Variants in NEDD9 observed in about 807,000 individuals in gnomAD.
NEDD9 encodes enhancer of filamentation 1.
A neutral mutation model predicts 76.6 loss-of-function variants in NEDD9; 26 were observed. That is an observed-to-expected ratio of 0.34 (90% CI 0.25 to 0.47). The LOEUF (loss-of-function observed/expected upper bound fraction) is 0.47. Ranked by LOEUF, NEDD9 falls within the 20% of genes least tolerant of loss-of-function variation. NEDD9 has a pLI of 1.00. For missense variants in NEDD9, 937 were observed against 1,058.5 expected (o/e 0.89, Z 1.59); for synonymous variants, 392 against 414.2 (o/e 0.95, Z 0.65).
Position 11,242,373 on chromosome 6 carries a change from T to C in NEDD9, c.13-28646A>G, listed in dbSNP as rs541476250. Among the ~76,000 whole-genome samples, 56 of 152,236 alleles carry C rather than the reference T, an allele frequency of 3.7e-4. 1 individual carries two copies. The highest frequency in any genetic ancestry group is 1.3e-3 in the African/African-American group (52 of 41,540). ...AGACAAGGGAGTGTTGCAAGGGTGT[T>C]CTTGAACCCAGGGCATGCAGTTCTC... On this transcript the variant is annotated intron_variant, in intron 3 of 3. Coordinates refer to the NEDD9 transcript ENST00000397378.
At chr6:11,232,688 A>G (rs1759520676), upstream of NEDD9, 1 of 1,465,170 alleles carries the variant, frequency 6.8e-7, no homozygotes. Context: ...GTTGTGACTG[A>G]GGCAGGCTGA....
intron 1 of NEDD9, among the ~76,000 whole-genome samples, chr6:11,364,104 C>T (rs921301281): frequency 1.1e-4 from 16 of 152,268 alleles, no homozygotes; most frequent in Middle Eastern, 3.4e-3. Flanking sequence ...ATGCTGAACA[C>T]CTGCTTTCCT....
At chr6:11,331,232 A>C (rs1013088464) in intron 2 of NEDD9, among the ~76,000 whole-genome samples, 5 of 152,188 alleles carry the variant, frequency 3.3e-5, no homozygotes, top group African/African-American at 1.2e-4. Flanking sequence ...GTGAAGGGGA[A>C]CTGCGGTATA....
chr6:11,304,697 A>G (rs1480656867), intron 3 of NEDD9, among the ~76,000 whole-genome samples: 2 of 152,234 alleles, frequency 1.3e-5, no homozygotes, highest in Admixed American at 6.5e-5. Flanking sequence ...TAAGCAAACT[A>G]TCACAAGGAC....
intron 2 of NEDD9, among the ~76,000 whole-genome samples, chr6:11,322,129 G>A (rs557148085): frequency 8.7e-4 from 132 of 152,208 alleles, no homozygotes; most frequent in African/African-American, 3.2e-3. Context: ...TGAACAATAA[G>A]AACACGTGAA....
chr6:11,234,078 C>T (rs1759551615), upstream of NEDD9, among the ~76,000 whole-genome samples: 1 of 152,176 alleles, frequency 6.6e-6, no homozygotes, highest in African/African-American at 2.4e-5. Flanking sequence ...ATTCCAGGGA[C>T]ATGACCCCCC....
chr6:11,266,008 G>C (rs1184508330), intron 3 of NEDD9, among the ~76,000 whole-genome samples: 1 of 142,474 alleles, frequency 7.0e-6, no homozygotes, highest in African/African-American at 2.5e-5. Flanking sequence ...ATAGAGAGTA[G>C]AATGATTGAC....
rs904811973 is a variant in NEDD9, at chr6:11,257,277, C to T, written c.13-43550G>A. On this transcript the variant is annotated intron_variant, in intron 3 of 3. Transcript: ENST00000397378. The stretch of plus-strand genomic sequence containing the variant: ...GCCTGCACACATTAGATGCCAGTAG[C>T]ACCCACCACCTTCAGTTTTGACAGC... 7.2e-5 allele frequency among the ~76,000 whole-genome samples: 11 copies of T among 152,336 alleles called. No homozygotes were observed. The South Asian group carries it at 2.3e-3, about 32-fold the overall frequency.
At chr6:11,340,881 T>G (rs1177706906) in intron 1 of NEDD9, among the ~76,000 whole-genome samples, 1 of 152,198 alleles carries the variant, frequency 6.6e-6, no homozygotes. Context: ...AGAGTGCAGA[T>G]AATGGCCTAT....
intron 1 of NEDD9, among the ~76,000 whole-genome samples, chr6:11,337,178 A>G (rs1762178839): frequency 6.6e-6 from 1 of 152,190 alleles, no homozygotes; most frequent in East Asian, 1.9e-4. Context: ...AGATCATGCC[A>G]CTGCACTCCA....
chr6:11,236,919 C>T (rs1319209312), upstream of NEDD9, among the ~76,000 whole-genome samples: 1 of 152,152 alleles, frequency 6.6e-6, no homozygotes, highest in African/African-American at 2.4e-5. This position sits in a 1 kb window ranked among gnomAD's most constrained non-coding sequence, Gnocchi z 5.5. Flanking sequence ...ACCGCCGACC[C>T]CCATCCCACC....
At position 11,190,259 on chromosome 6, in the gene NEDD9, G is replaced by A. The variant is rs758477283; in HGVS notation, c.1610C>T (p.Thr537Met). The change falls in exon 5 of 7, where the codon ACG becomes ATG. Residue 537 changes from threonine to methionine, a missense_variant. Physicochemically the swap from Thr to Met is moderately conservative, Grantham distance 81 (BLOSUM62 -1). Coordinates refer to ENST00000379446, the MANE Select transcript of NEDD9 (RefSeq NM_006403.4). The surrounding 1 kb of genome is among the most constrained non-coding windows in gnomAD (Gnocchi z 5.8). ...DLDRFVMVAK[T>M]VPDDAKQLTT... is the part of the protein sequence containing the mutation. ...GAGCTGCTTGGCGTCATCGGGCACCGTCTTTGCCACCATCACAAACCGGTC... is the reference window on the plus strand; with the variant it reads ...GAGCTGCTTGGCGTCATCGGGCACCATCTTTGCCACCATCACAAACCGGTC... 85 of 1,614,240 alleles carry A rather than the reference G, an allele frequency of 5.3e-5. No individual in the cohort carries two copies. In the South Asian group the frequency reaches 6.3e-4, roughly 12 times the overall value.
At chr6:11,307,662 C>T (rs1200743814) in intron 2 of NEDD9, among the ~76,000 whole-genome samples, 1 of 152,040 alleles carries the variant, frequency 6.6e-6, no homozygotes, top group East Asian at 1.9e-4. Context: ...ACACACATGT[C>T]ATTAATTCTT....
chr6:11,318,516 G>A (rs1376772139), intron 2 of NEDD9, among the ~76,000 whole-genome samples: 2 of 152,086 alleles, frequency 1.3e-5, no homozygotes, highest in Non-Finnish European at 2.9e-5. Context: ...TTCACCTTCA[G>A]ACTTTGCTGT....
At position 11,333,991 on chromosome 6, in the gene NEDD9, A is replaced by C. The variant is rs892625822; in HGVS notation, c.-153+510T>G. ...TTTAGCCCAAAAGTTGGGGTTGCTCAGTTTTTTTCCTTTCCCTCATACCCC... is the reference window on the plus strand; with the variant it reads ...TTTAGCCCAAAAGTTGGGGTTGCTCCGTTTTTTTCCTTTCCCTCATACCCC... On this transcript the variant is annotated intron_variant, in intron 2 of 3. Coordinates refer to the NEDD9 transcript ENST00000397378. Among the ~76,000 whole-genome samples the C allele has an allele frequency of 2.6e-5, 4 of 152,192 alleles. 1 individual carries two copies. Among genetic ancestry groups the C allele is most frequent in the Non-Finnish European group, 5.9e-5 (4 of 68,024 alleles).
intron 3 of NEDD9, among the ~76,000 whole-genome samples, chr6:11,286,903 G>A (rs1172032431): frequency 6.6e-6 from 1 of 152,046 alleles, no homozygotes; most frequent in South Asian, 2.1e-4. Context: ...TCTTGGTTTT[G>A]GCGATGGTTC....
chr6:11,190,150 G>T lies in NEDD9; in HGVS notation c.1719C>A (p.Ile573=), dbSNP rs750125033. The change falls in exon 5 of 7, where the codon ATC becomes ATA. Residue 573 remains isoleucine (I), a synonymous_variant. Transcript: ENST00000379446. This position sits in a 1 kb window ranked among gnomAD's most constrained non-coding sequence, Gnocchi z 5.8. Reference sequence around the variant, plus strand: ...CGTGTGGGTACTCCGTTGAGTTCATGATGCTCTCCGGCCCATTCTTCAGAT... The same window carrying T: ...CGTGTGGGTACTCCGTTGAGTTCATTATGCTCTCCGGCCCATTCTTCAGAT... ...SLHLKNGPES[I]MNSTEYPHGG... is the part of the protein sequence containing the mutation. The T allele has an allele frequency of 1.4e-5, 22 of 1,613,990 alleles. No individual in the cohort carries two copies. Among genetic ancestry groups the T allele is most frequent in the African/African-American group, 2.7e-5 (2 of 74,920 alleles).
intron 3 of NEDD9, among the ~76,000 whole-genome samples, chr6:11,282,644 T>G (rs1036141096): frequency 6.6e-6 from 1 of 152,214 alleles, no homozygotes; most frequent in Non-Finnish European, 1.5e-5. Context: ...TTTTTTACTT[T>G]TTTCATGGCA....
rs559951239 is a variant in NEDD9 at position 11,338,865 on chromosome 6, T to C, written c.-213-4304A>G. Among the ~76,000 whole-genome samples, 27 of 148,740 alleles carry C rather than the reference T, an allele frequency of 1.8e-4. No individual in the cohort carries two copies. In the South Asian group the frequency reaches 2.9e-3, roughly 16 times the overall value. On this transcript the variant is annotated intron_variant, in intron 1 of 3. Transcript: ENST00000397378. ...TGAACCTGGGAGGCAGAAGTTGCAG[T>C]GAGCAGAGATTGTGCCACTGTACTC...
Sources: gnomAD v4.1 joint callset for allele counts (sites outside exome capture counted in the v4.1 genomes callset) on GRCh38, gnomAD v4.1.1 for gene constraint, Gnocchi (gnomAD v3.1) non-coding constraint, MANE v1.5 for transcripts, NCBI Gene and HGNC (gene_info 2026-07-23, HGNC 2026-07-21) for gene names.